GDA: variants seen among roughly 807,000 people sequenced by gnomAD.
GDA encodes the protein cytoplasmic PSD-95 interactor.
In GDA, 18 loss-of-function variants were observed where a neutral mutation model predicts 59.6. The observed-to-expected ratio is 0.30, with a 90% CI of 0.21 to 0.45. The LOEUF is 0.45. Ranked by LOEUF, GDA falls within the 20% of genes least tolerant of loss-of-function variation. GDA has a pLI of 1.00. For missense variants in GDA, 427 were observed against 552.3 expected (o/e 0.77, Z 2.27); for synonymous variants, 201 against 201.1 (o/e 1.00, Z 0.00).
intron 8 of GDA, among the ~76,000 whole-genome samples, chr9:72,226,742 A>C (rs1837637237): frequency 1.3e-5 from 2 of 152,368 alleles, no homozygotes; most frequent in East Asian, 3.9e-4. Flanking sequence ...TATATTTTCC[A>C]TATGATTAAT....
intron 1 of GDA, among the ~76,000 whole-genome samples, chr9:72,132,946 T>C (rs1826075264): frequency 6.6e-6 from 1 of 152,140 alleles, no homozygotes; most frequent in South Asian, 2.1e-4. Flanking sequence ...GGGTATCCCC[T>C]GTGTAATAAT....
intron 1 of GDA, among the ~76,000 whole-genome samples, chr9:72,123,095 C>CTT (rs1825719158): frequency 6.6e-6 from 1 of 151,822 alleles, no homozygotes; most frequent in East Asian, 1.9e-4. Flanking sequence ...AATTACTTAT[C>CTT]TTTCTTCAAG....
At position 72,251,604 on chromosome 9, in the gene GDA, T is replaced by G. The variant is rs2131894486; in HGVS notation, c.*3262T>G. The stretch of plus-strand genomic sequence containing the variant: ...TGTTATAGGCAATGACTTGAAATGG[T>G]TTTTAAATTGTATGGATTGTTAAGA... On this transcript the variant is annotated 3_prime_UTR_variant, in exon 14 of 14. Transcript: ENST00000358399. 6.6e-6 allele frequency: 1 copy of G among 152,230 alleles called. No homozygotes were observed. The highest frequency in any genetic ancestry group is 2.4e-5 in the African/African-American group (1 of 41,524). 9.4% of individuals were successfully genotyped at this position (152,230 alleles called of 1,614,324 possible). A position where few individuals can be genotyped will look rare whatever the true frequency, so the allele number is the denominator to read the frequency against.
chr9:72,135,903 G>A (rs970385649), intron 1 of GDA, among the ~76,000 whole-genome samples: 5 of 152,016 alleles, frequency 3.3e-5, no homozygotes, highest in African/African-American at 4.8e-5. Flanking sequence ...GAGCCACCAC[G>A]CGGGGCCTGC....
Position 72,132,857 on chromosome 9 carries a change from G to A in GDA, c.-100+18024G>A, listed in dbSNP as rs931505077. Among the ~76,000 whole-genome samples, 14 of 152,238 alleles carry A rather than the reference G, an allele frequency of 9.2e-5. 1 individual carries two copies. Among genetic ancestry groups the A allele is most frequent in the Admixed American group, 4.6e-4 (7 of 15,294 alleles). ...GAGACCCCCTTATGCTGGGCAGTTT[G>A]GATATTTGCACTTGACTATGAGATG... On this transcript the variant is annotated intron_variant, in intron 1 of 13. Transcript: ENST00000545168.
chr9:72,186,738 T>C (rs116215006), intron 1 of GDA, among the ~76,000 whole-genome samples: 1,593 of 152,332 alleles, frequency 0.01, 25 homozygotes, highest in African/African-American at 0.037. Flanking sequence ...ATTTCACATC[T>C]TGTAGCTTTT....
chr9:72,226,180 T>C (rs1837561787), intron 8 of GDA, among the ~76,000 whole-genome samples: 2 of 152,216 alleles, frequency 1.3e-5, no homozygotes, highest in African/African-American at 4.8e-5. Context: ...GATGCATTTC[T>C]AAGAATTCAC....
intron 10 of GDA, 69 bp downstream of exon 10, chr9:72,231,250 TTTGCAGGTGACTG>T (rs1487544653): frequency 3.5e-6 from 3 of 862,588 alleles, no homozygotes; most frequent in Admixed American, 1.7e-5. Flanking sequence ...ATGTGACTAA[TTTGCAGGTGACTG>T]TTCTGTTTAA....
rs140452216 is a variant in GDA, at chr9:72,231,127, T to G, written c.934T>G (p.Phe312Val). The change falls in exon 10 of 14, where the codon TTT becomes GTT. Residue 312 changes from phenylalanine to valine, a missense_variant. Phe to Val is a conservative substitution (Grantham distance 50, BLOSUM62 -1). Transcript: ENST00000358399. Reference sequence around the variant, plus strand: ...CTCTCTCTACAGGCTCAGCAGTGGATTTCTAAATGTGCTAGAAGTCCTGAA... The same window carrying G: ...CTCTCTCTACAGGCTCAGCAGTGGAGTTCTAAATGTGCTAGAAGTCCTGAA... Reference protein sequence around the residue: ...PNSNLSLSSGFLNVLEVLKHE... With the variant: ...PNSNLSLSSGVLNVLEVLKHE... 2.5e-6 allele frequency: 4 copies of G among 1,588,782 alleles called. No homozygotes were observed. In the African/African-American group the frequency reaches 5.4e-5, roughly 21 times the overall value.
Position 72,169,555 on chromosome 9 carries a change from C to T in GDA, c.123+19873C>T, listed in dbSNP as rs558743216. Among the ~76,000 whole-genome samples, 25 of 152,294 alleles carry T rather than the reference C, an allele frequency of 1.6e-4. No homozygotes were observed. The South Asian group carries it at 5.0e-3, about 30-fold the overall frequency. On this transcript the variant is annotated intron_variant, in intron 1 of 13. Coordinates refer to ENST00000358399, the MANE Select transcript of GDA (RefSeq NM_004293.5). ...CTCTGAATGCATGCTTTCTCCATGT[C>T]CACTCTAATTTCTTTGCAGGTTCGT... is the stretch of plus-strand genomic sequence containing the variant.
intron 11 of GDA, among the ~76,000 whole-genome samples, chr9:72,243,956 G>A (rs374164520): frequency 1.5e-3 from 224 of 152,046 alleles, no homozygotes; most frequent in African/African-American, 5.2e-3. Flanking sequence ...TGGGCAGTTC[G>A]CGAGGTTAGG....
chr9:72,186,832 C>T (rs10781079), intron 1 of GDA, among the ~76,000 whole-genome samples: 46,369 of 151,940 alleles, frequency 0.31, 7,695 homozygotes, highest in East Asian at 0.56. Flanking sequence ...GTCCTACCAA[C>T]CACTGTCCAA....
In GDA at chr9:72,216,700, G is replaced by A. The variant is rs147287126; in HGVS notation, c.578+2709G>A. Among the ~76,000 whole-genome samples the A allele has an allele frequency of 8.8e-3, 1,328 of 151,512 alleles. 15 individuals carry two copies. The highest frequency in any genetic ancestry group is 0.031 in the African/African-American group (1,274 of 41,340). On this transcript the variant is annotated intron_variant, in intron 5 of 13. Transcript: ENST00000358399. ...AACTATTTTTTTTTTTTTTGAGACG[G>A]AATCTTGCTTTGTTGCCCAGGCTGG...
chr9:72,237,919 G>T (rs1839201944), intron 10 of GDA, among the ~76,000 whole-genome samples: 1 of 151,896 alleles, frequency 6.6e-6, no homozygotes, highest in Non-Finnish European at 1.5e-5. Flanking sequence ...ATCGTTTCCT[G>T]CTGAACTGCT....
At chr9:72,198,310 CA>C (rs1367883476) in intron 2 of GDA, among the ~76,000 whole-genome samples, 2 of 151,962 alleles carry the variant, frequency 1.3e-5, no homozygotes, top group African/African-American at 4.8e-5. Flanking sequence ...GAGGCCGAGG[CA>C]GGCGCATCAC....
chr9:72,140,699 C>A (rs1190981451), intron 1 of GDA, among the ~76,000 whole-genome samples: 2 of 152,090 alleles, frequency 1.3e-5, no homozygotes, highest in East Asian at 3.9e-4. Flanking sequence ...AGCAAAATGT[C>A]CCATATCTGG....
downstream of GDA, among the ~76,000 whole-genome samples, chr9:72,258,186 A>C (rs1840907219): frequency 6.6e-6 from 1 of 151,390 alleles, no homozygotes; most frequent in Admixed American, 6.6e-5. Flanking sequence ...GGTGGTGCAC[A>C]CTTGTAGTCT....
rs1395789155 is a variant in GDA, at chr9:72,151,753, G to A, written c.123+2071G>A. ...CTCCCGAGTAGCTGGGACTACAGGC[G>A]CCACCACGCCCCACTGATTTTTTTG... On this transcript the variant is annotated intron_variant, in intron 1 of 13. Coordinates refer to ENST00000358399, the MANE Select transcript of GDA (RefSeq NM_004293.5). 4.6e-5 allele frequency among the ~76,000 whole-genome samples: 7 copies of A among 151,762 alleles called. No individual in the cohort carries two copies. The South Asian group carries it at 8.3e-4, about 18-fold the overall frequency.
intron 1 of GDA, among the ~76,000 whole-genome samples, chr9:72,169,982 G>T (rs1165868076): frequency 2.6e-5 from 4 of 152,164 alleles, no homozygotes; most frequent in African/African-American, 9.7e-5. Context: ...AGGAGGAGGT[G>T]TTCTCTCTAT....
Sources: allele counts gnomAD v4.1 joint callset (sites outside exome capture counted in the v4.1 genomes callset), GRCh38; gene constraint gnomAD v4.1.1; transcripts MANE v1.5; gene names NCBI Gene and HGNC (gene_info 2026-07-23, HGNC 2026-07-21).